Variants in SLC18A3 observed in about 807,000 individuals in gnomAD.
The protein encoded by SLC18A3 is vesicular acetylcholine transporter.
A neutral mutation model predicts 24.2 loss-of-function variants in SLC18A3; 18 were observed. That is an observed-to-expected ratio of 0.74 (90% CI 0.51 to 1.10). The LOEUF (loss-of-function observed/expected upper bound fraction) is 1.10. SLC18A3 is among the 50% of genes least tolerant of loss of function. SLC18A3 has a pLI of 0.00. For missense variants in SLC18A3, 744 were observed against 750.7 expected (o/e 0.99, Z 0.10); for synonymous variants, 415 against 355.4 (o/e 1.17, Z -1.89).
In SLC18A3 at chr10:49,611,937, A is replaced by T; in HGVS notation, c.1197A>T (p.Thr399=). 6.2e-7 allele frequency: 1 copy of T among 1,612,478 alleles called. No individual in the cohort carries two copies. Among genetic ancestry groups the T allele is most frequent in the Non-Finnish European group, 8.5e-7 (1 of 1,179,346 alleles). ...GTTTTGGCATAGCCCTAGTCGACAC[A>T]GCACTGCTGCCCACGCTCGCCTTCC... ...GLCFGIALVD[T]ALLPTLAFLV... Residue 399 remains threonine (T), a synonymous_variant, in exon 1 of 1, where the codon ACA becomes ACT. Coordinates refer to ENST00000374115, the MANE Select transcript of SLC18A3 (RefSeq NM_003055.3).
In SLC18A3 at chr10:49,610,808, C is replaced by T; in HGVS notation, c.68C>T (p.Ala23Val). ...AATKLSEAVG[A>V]ALQEPRRQRR... ...ACCAAGCTGTCGGAGGCTGTGGGCG[C>T]GGCGCTGCAGGAGCCCCGGCGGCAG... The change falls in exon 1 of 1, where the codon GCG becomes GTG. Residue 23 changes from alanine (A) to valine (V), a missense_variant. Around this residue, in one of 3 missense-constraint regions of SLC18A3, gnomAD observed 566 missense variants for 566.2 expected, o/e 1.00. Coordinates refer to ENST00000374115, the MANE Select transcript of SLC18A3 (RefSeq NM_003055.3). The T allele has an allele frequency of 6.3e-7, 1 of 1,595,442 alleles. No individual in the cohort carries two copies. Among genetic ancestry groups the T allele is most frequent in the Non-Finnish European group, 8.5e-7 (1 of 1,171,582 alleles).
Position 49,610,989 on chromosome 10 carries a change from G to T in SLC18A3, c.249G>T (p.Pro83=), listed in dbSNP as rs150436609. 2 of 1,612,264 alleles carry T rather than the reference G, an allele frequency of 1.2e-6. No individual in the cohort carries two copies. Among genetic ancestry groups the T allele is most frequent in the South Asian group, 1.1e-5 (1 of 90,986 alleles). ...CCGAGGTGTGGGAGCCCACCCTGCC[G>T]CTGCCCACTCCGGCCAATGCCAGCG... ...RTPEVWEPTL[P]LPTPANASAY... Residue 83 remains proline, a synonymous_variant, in exon 1 of 1, where the codon CCG becomes CCT. Transcript: ENST00000374115.
Position 49,612,331 on chromosome 10 carries a change from C to A in SLC18A3, c.1591C>A (p.Arg531Ser), listed in dbSNP as rs148062083. 7 of 1,585,436 alleles carry A rather than the reference C, an allele frequency of 4.4e-6. No homozygotes were observed. Among genetic ancestry groups the A allele is most frequent in the East Asian group, 2.3e-5 (1 of 44,316 alleles). The change falls in exon 1 of 1, where the codon CGC becomes AGC. Residue 531 changes from arginine to serine, a missense_variant. Arg to Ser is a moderately radical substitution (Grantham distance 110, BLOSUM62 -1). Around this residue, in one of 3 missense-constraint regions of SLC18A3, gnomAD observed 160 missense variants for 140.9 expected, o/e 1.14. Coordinates refer to ENST00000374115, the MANE Select transcript of SLC18A3 (RefSeq NM_003055.3). ...CEDDYNYYYTRS is the reference protein window; with the variant it reads ...CEDDYNYYYTSS ...GGACGACTACAACTACTACTACACCCGCAGCTAGCATCCCCACTCCTCCTC... is the reference window on the plus strand; with the variant it reads ...GGACGACTACAACTACTACTACACCAGCAGCTAGCATCCCCACTCCTCCTC...
Position 49,612,038 on chromosome 10 carries a change from C to T in SLC18A3, c.1298C>T (p.Ala433Val). ...IADISYSVAYALGPIVAGHIV... is the reference protein window; with the variant it reads ...IADISYSVAYVLGPIVAGHIV... The stretch of plus-strand genomic sequence containing the variant: ...GACATCTCCTATTCGGTGGCCTACG[C>T]GCTCGGGCCCATAGTGGCAGGCCAC... The change falls in exon 1 of 1, where the codon GCG becomes GTG. Residue 433 changes from alanine (A) to valine (V), a missense_variant. Ala to Val is a moderately conservative substitution (Grantham distance 64, BLOSUM62 0). Around this residue, in one of 3 missense-constraint regions of SLC18A3, gnomAD observed 160 missense variants for 140.9 expected, o/e 1.14. Coordinates refer to ENST00000374115, the MANE Select transcript of SLC18A3 (RefSeq NM_003055.3). The T allele has an allele frequency of 6.2e-7, 1 of 1,613,718 alleles. No homozygotes were observed. The highest frequency in any genetic ancestry group is 8.5e-7 in the Non-Finnish European group (1 of 1,179,980).
chr10:49,612,207 A>G lies in SLC18A3; in HGVS notation c.1467A>G (p.Pro489=). Residue 489 remains proline (P), a synonymous_variant, in exon 1 of 1, where the codon CCA becomes CCG. Transcript: ENST00000374115. ...RSERDVLLDE[P]PQGLYDAVRL... is the part of the protein sequence containing the mutation. ...AGCGCGATGTGCTGCTTGATGAGCC[A>G]CCGCAAGGTCTGTACGATGCGGTGC... The G allele has an allele frequency of 6.2e-7, 1 of 1,609,060 alleles. No individual in the cohort carries two copies. The highest frequency in any genetic ancestry group is 8.5e-7 in the Non-Finnish European group (1 of 1,179,976).
In SLC18A3 at chr10:49,610,817, A is replaced by C. The variant is rs769325527; in HGVS notation, c.77A>C (p.Gln26Pro). ...TCGGAGGCTGTGGGCGCGGCGCTGCAGGAGCCCCGGCGGCAGAGGCGCCTG... is the reference window on the plus strand; with the variant it reads ...TCGGAGGCTGTGGGCGCGGCGCTGCCGGAGCCCCGGCGGCAGAGGCGCCTG... ...KLSEAVGAAL[Q>P]EPRRQRRLVL... The change falls in exon 1 of 1, where the codon CAG becomes CCG. Residue 26 changes from glutamine to proline, a missense_variant. This residue lies in a region of SLC18A3 where 566 missense variants were observed against 566.2 expected (regional missense o/e 1.00). Transcript: ENST00000374115. The C allele has an allele frequency of 1.2e-6, 2 of 1,603,120 alleles. No individual in the cohort carries two copies. Among genetic ancestry groups the C allele is most frequent in the South Asian group, 2.2e-5 (2 of 89,616 alleles).
Position 49,610,618 on chromosome 10 carries a change from G to C in SLC18A3, c.-123G>C. 1.0e-6 allele frequency: 1 copy of C among 988,800 alleles called. No homozygotes were observed. The allele number at this position is 988,800 out of a possible 1,614,324, so 61.3% of individuals were successfully genotyped here. On this transcript the variant is annotated 5_prime_UTR_variant, in exon 1 of 1. Transcript: ENST00000374115. ...GCCATGAGCTCCGCGGCCACCTGAG[G>C]CACAGGGGAGTCTGCTCGGCCAGGA...
Position 49,612,483 on chromosome 10 carries a change from C to G in SLC18A3, c.*144C>G. On this transcript the variant is annotated 3_prime_UTR_variant, in exon 1 of 1. Transcript: ENST00000374115. The stretch of plus-strand genomic sequence containing the variant: ...TCAACCTTGACTTCTGCCCAAATCC[C>G]CTCCCTGTGACCCGTTCCATATCCC... 1 of 794,366 alleles carries G rather than the reference C, an allele frequency of 1.3e-6. No individual in the cohort carries two copies. Among genetic ancestry groups the G allele is most frequent in the Non-Finnish European group, 2.0e-6 (1 of 493,454 alleles). 49.2% of individuals were successfully genotyped at this position (794,366 alleles called of 1,614,324 possible).
rs2377879 is a variant in SLC18A3, at chr10:49,610,454, G to C, written c.-287G>C. 1 of 364,628 alleles carries C rather than the reference G, an allele frequency of 2.7e-6. No individual in the cohort carries two copies. Among genetic ancestry groups the C allele is most frequent in the East Asian group, 4.0e-5 (1 of 25,072 alleles). The allele number at this position is 364,628 out of a possible 1,614,324, so 22.6% of individuals were successfully genotyped here. A position where few individuals can be genotyped will look rare whatever the true frequency, so the allele number is the denominator to read the frequency against. On this transcript the variant is annotated 5_prime_UTR_variant, in exon 1 of 1. Transcript: ENST00000374115. The stretch of plus-strand genomic sequence containing the variant: ...TCTGGGCGCGCCCCGGGCGAAGTGC[G>C]CCCAGTCTCCGGCCCCGGCCCCTCG...
Position 49,611,579 on chromosome 10 carries a change from C to T in SLC18A3, c.839C>T (p.Thr280Ile). 1 of 1,608,598 alleles carries T rather than the reference C, an allele frequency of 6.2e-7. No individual in the cohort carries two copies. The highest frequency in any genetic ancestry group is 8.5e-7 in the Non-Finnish European group (1 of 1,179,974). Residue 280 changes from threonine to isoleucine, a missense_variant, in exon 1 of 1, where the codon ACT (threonine) becomes ATT (isoleucine). Thr to Ile is a moderately conservative substitution (Grantham distance 89). Transcript: ENST00000374115. ...GCTCGGGCCAACCTGCCAGTGGGCA[C>T]TCCCATCCACCGCCTCATGCTAGAC... is the stretch of plus-strand genomic sequence containing the variant. ...ARARANLPVGTPIHRLMLDPY... is the reference protein window; with the variant it reads ...ARARANLPVGIPIHRLMLDPY...
rs1482370145 is a variant in SLC18A3 at position 49,610,863 on chromosome 10, G to C, written c.123G>C (p.Val41=). 6 of 1,612,996 alleles carry C rather than the reference G, an allele frequency of 3.7e-6. No individual in the cohort carries two copies. The highest frequency in any genetic ancestry group is 5.1e-6 in the Non-Finnish European group (6 of 1,179,460). ...QRRLVLVIVC[V]ALLLDNMLYM... ...GCCTGGTGCTTGTTATCGTGTGCGT[G>C]GCGCTGTTACTGGACAACATGCTGT... Residue 41 remains valine (V), a synonymous_variant, in exon 1 of 1, where the codon GTG becomes GTC. Transcript: ENST00000374115.
At position 49,612,314 on chromosome 10, in the gene SLC18A3, A is replaced by G; in HGVS notation, c.1574A>G (p.Tyr525Cys). ...CCTTTTGATGCGTGCGAGGACGACT[A>G]CAACTACTACTACACCCGCAGCTAG... ...PGPFDACEDDYNYYYTRS is the reference protein window; with the variant it reads ...PGPFDACEDDCNYYYTRS Residue 525 changes from tyrosine to cysteine, a missense_variant, in exon 1 of 1, where the codon TAC becomes TGC. Transcript: ENST00000374115. 2 of 1,603,010 alleles carry G rather than the reference A, an allele frequency of 1.2e-6. No individual in the cohort carries two copies. Among genetic ancestry groups the G allele is most frequent in the South Asian group, 2.2e-5 (2 of 90,154 alleles).
Position 49,611,161 on chromosome 10 carries a change from T to C in SLC18A3, c.421T>C (p.Leu141=), listed in dbSNP as rs1341367921. 1.9e-6 allele frequency: 3 copies of C among 1,614,170 alleles called. No individual in the cohort carries two copies. Among genetic ancestry groups the C allele is most frequent in the Admixed American group, 1.7e-5 (1 of 60,032 alleles). ...TATCCTGCAGCTGCTAGTGAACCCC[T>C]TGAGCGGGCCCTTCATCGACCGCAT... is the stretch of plus-strand genomic sequence containing the variant. ...KAILQLLVNP[L]SGPFIDRMSY... is the part of the protein sequence containing the mutation. Residue 141 remains leucine, a synonymous_variant, in exon 1 of 1, where the codon TTG becomes CTG. Coordinates refer to ENST00000374115, the MANE Select transcript of SLC18A3 (RefSeq NM_003055.3).
rs969980547 is a variant in SLC18A3, at chr10:49,610,327, G to A, written c.-414G>A. On this transcript the variant is annotated 5_prime_UTR_variant, in exon 1 of 1. Coordinates refer to ENST00000374115, the MANE Select transcript of SLC18A3 (RefSeq NM_003055.3). The stretch of plus-strand genomic sequence containing the variant: ...GAGGAGGCAAGAGCCGACGCGAGGG[G>A]AGGGGAGCGCAGCGGCGGGGCTAAC... 3.0e-4 allele frequency: 54 copies of A among 180,690 alleles called. No individual in the cohort carries two copies. Among genetic ancestry groups the A allele is most frequent in the Non-Finnish European group, 1.5e-4 (13 of 87,326 alleles). The allele number at this position is 180,690 out of a possible 1,614,324, so 11.2% of individuals were successfully genotyped here.
In SLC18A3 at chr10:49,612,224, A is replaced by ATGCGG. The variant is rs762834651; in HGVS notation, c.1489_1493dup (p.Leu499CysfsTer88). ...GATGAGCCACCGCAAGGTCTGTACG[A>ATGCGG]TGCGGTGCGCCTGCGTGAGCGTCCT... On this transcript the variant is annotated frameshift_variant, in exon 1 of 1. Transcript: ENST00000374115. LOFTEE classifies it high-confidence loss of function. The ATGCGG allele has an allele frequency of 1.9e-6, 3 of 1,609,266 alleles. No individual in the cohort carries two copies.
chr10:49,611,451 G>T lies in SLC18A3; in HGVS notation c.711G>T (p.Glu237Asp), dbSNP rs1838293304. 2 of 1,598,392 alleles carry T rather than the reference G, an allele frequency of 1.3e-6. No homozygotes were observed. The highest frequency in any genetic ancestry group is 1.7e-5 in the Admixed American group (1 of 59,832). The change falls in exon 1 of 1, where the codon GAG (glutamate) becomes GAT (aspartate). Residue 237 changes from glutamate (E) to aspartate (D), a missense_variant. This residue lies in a region of SLC18A3 where 566 missense variants were observed against 566.2 expected (regional missense o/e 1.00). Coordinates refer to ENST00000374115, the MANE Select transcript of SLC18A3 (RefSeq NM_003055.3). The part of the protein sequence containing the change: ...VAPPFGGILY[E>D]FAGKRVPFLV... The stretch of plus-strand genomic sequence containing the variant: ...CGCCCTTCGGGGGCATCCTCTATGA[G>T]TTCGCCGGCAAGCGCGTGCCCTTCT...
rs769881006 is a variant in SLC18A3, at chr10:49,611,898, AC to A, written c.1159del (p.Leu387TyrfsTer8). 1 of 1,611,366 alleles carries A rather than the reference AC, an allele frequency of 6.2e-7. No homozygotes were observed. The highest frequency in any genetic ancestry group is 1.1e-5 in the South Asian group (1 of 91,066). ...GCTCCTTCGCGCCGCTAGTGGTCTCACTATGCGGCCTCTGTTTTGGCATAGC... is the reference window on the plus strand; with the variant it reads ...GCTCCTTCGCGCCGCTAGTGGTCTCATATGCGGCCTCTGTTTTGGCATAGC... Reference protein sequence around the residue: ...CRSFAPLVVSLCGLCFGIALV... With the variant: ...CRSFAPLVVSXCGLCFGIALV... On this transcript the variant is annotated frameshift_variant, in exon 1 of 1. Transcript: ENST00000374115. LOFTEE classifies it high-confidence loss of function.
In SLC18A3 at chr10:49,611,031, C is replaced by T. The variant is rs1209900185; in HGVS notation, c.291C>T (p.Thr97=). 6.2e-6 allele frequency: 10 copies of T among 1,613,972 alleles called. No individual in the cohort carries two copies. In the Middle Eastern group the frequency reaches 6.6e-4, roughly 106 times the overall value. Residue 97 remains threonine (T), a synonymous_variant, in exon 1 of 1, where the codon ACC becomes ACT. Transcript: ENST00000374115. ...PANASAYTAN[T]SASPTAAWPA... ...ATGCCAGCGCCTACACGGCCAACAC[C>T]TCGGCGTCCCCGACAGCTGCGTGGC...
In SLC18A3 at chr10:49,611,132, A is replaced by C; in HGVS notation, c.392A>C (p.Lys131Thr). 6.2e-7 allele frequency: 1 copy of C among 1,614,082 alleles called. No homozygotes were observed. The highest frequency in any genetic ancestry group is 8.5e-7 in the Non-Finnish European group (1 of 1,179,970). Residue 131 changes from lysine (K) to threonine (T), a missense_variant, in exon 1 of 1, where the codon AAG becomes ACG. Transcript: ENST00000374115. Reference protein sequence around the residue: ...DVKIGVLFASKAILQLLVNPL... With the variant: ...DVKIGVLFASTAILQLLVNPL... Reference sequence around the variant, plus strand: ...AAGATCGGGGTGCTGTTTGCTTCCAAGGCTATCCTGCAGCTGCTAGTGAAC... The same window carrying C: ...AAGATCGGGGTGCTGTTTGCTTCCACGGCTATCCTGCAGCTGCTAGTGAAC...
Sources: gnomAD v4.1 joint callset for allele counts on GRCh38, gnomAD v4.1.1 for gene constraint, gnomAD v4.1.1 regional missense constraint, MANE v1.5 for transcripts, NCBI Gene and HGNC (gene_info 2026-07-23, HGNC 2026-07-21) for gene names.